The following GAS7 variants were observed in gnomAD, a reference collection of about 807,000 sequenced individuals.
The protein encoded by GAS7 is growth arrest-specific protein 7.
GAS7 carries 28 observed loss-of-function variants against 71.1 expected under a neutral mutation model. That is an observed-to-expected ratio of 0.39 (90% CI 0.29 to 0.54). GAS7 has a LOEUF of 0.54. GAS7 is among the 20% of genes least tolerant of loss of function. The pLI, the probability that GAS7 is intolerant of heterozygous loss-of-function variation, is 0.62. For synonymous variants in GAS7, 258 were observed against 245.8 expected (o/e 1.05, Z -0.46); for missense variants, 436 against 627.8 (o/e 0.69, Z 3.27).
chr17:10,104,105 T>A lies in GAS7; in HGVS notation c.184-84208A>T, dbSNP rs57394516. Among the ~76,000 whole-genome samples the A allele has an allele frequency of 4.4e-3, 669 of 152,212 alleles. 3 individuals carry two copies. The highest frequency in any genetic ancestry group is 0.016 in the African/African-American group (645 of 41,524). On this transcript the variant is annotated intron_variant, in intron 1 of 13. Transcript: ENST00000432992. ...CATTTCCTTCTCCTAACAGAAAAAA[T>A]TTTCACCAAAAATGTTGCCTGTAGT...
At chr17:10,063,248 C>A (rs2073239453) in intron 1 of GAS7, among the ~76,000 whole-genome samples, 1 of 152,230 alleles carries the variant, frequency 6.6e-6, no homozygotes, top group Non-Finnish European at 1.5e-5. Context: ...TAGGCAACGG[C>A]ATGGTGGCAC....
intron 2 of GAS7, among the ~76,000 whole-genome samples, chr17:10,002,249 TG>T (rs945647768): frequency 6.6e-6 from 1 of 152,206 alleles, no homozygotes; most frequent in Non-Finnish European, 1.5e-5. Context: ...TCCTAGCTTG[TG>T]GTGGCCTTGG....
intron 1 of GAS7, among the ~76,000 whole-genome samples, chr17:10,182,262 C>T (rs1418635177): frequency 6.6e-6 from 1 of 152,094 alleles, no homozygotes. Flanking sequence ...TGGGTTCAAG[C>T]GATTCTCCTG....
At chr17:10,171,334 G>A (rs929534549) in intron 1 of GAS7, among the ~76,000 whole-genome samples, 3 of 152,226 alleles carry the variant, frequency 2.0e-5, no homozygotes, top group South Asian at 2.1e-4. Context: ...CTCTGACAGC[G>A]AACCCAGAAC....
chr17:10,081,720 C>T (rs1011654593), intron 1 of GAS7, among the ~76,000 whole-genome samples: 1 of 152,132 alleles, frequency 6.6e-6, no homozygotes, highest in African/African-American at 2.4e-5. Flanking sequence ...CAAGTTAAAT[C>T]CAAGGTGTGG....
chr17:10,036,876 T>C (rs765411952), intron 1 of GAS7: 103 of 270,714 alleles, frequency 3.8e-4, no homozygotes, highest in Non-Finnish European at 5.0e-4. Flanking sequence ...CCCAGGCCTG[T>C]GGACAAGGGC....
In GAS7 at chr17:10,085,817, T is replaced by G. The variant is rs932553980; in HGVS notation, c.184-65920A>C. Among the ~76,000 whole-genome samples, 9 of 152,150 alleles carry G rather than the reference T, an allele frequency of 5.9e-5. No individual in the cohort carries two copies. In the South Asian group the frequency reaches 1.7e-3, roughly 28 times the overall value. ...CAACAGCCTAGTAACATAGGGATTATCCCAATTTACCTATGAAGACACTGA... is the reference window on the plus strand; with the variant it reads ...CAACAGCCTAGTAACATAGGGATTAGCCCAATTTACCTATGAAGACACTGA... On this transcript the variant is annotated intron_variant, in intron 1 of 13. Coordinates refer to ENST00000432992, the MANE Select transcript of GAS7 (RefSeq NM_201433.2).
rs189443321 is a variant in GAS7 at position 9,968,427 on chromosome 17, C to T, written c.471+1250G>A. 3.9e-5 allele frequency among the ~76,000 whole-genome samples: 6 copies of T among 152,318 alleles called. No homozygotes were observed. The East Asian group carries it at 9.6e-4, about 24-fold the overall frequency. ...TTAGAATCTGCATTTTAACAAGAGG[C>T]CCAGCTCACTCTAAGTCCATCAAAA... On this transcript the variant is annotated intron_variant, in intron 4 of 13. Transcript: ENST00000432992.
intron 1 of GAS7, chr17:10,036,758 C>CT: frequency 2.5e-6 from 3 of 1,201,640 alleles, no homozygotes; most frequent in Non-Finnish European, 3.1e-6. Context: ...GGAGGCCTTT[C>CT]TTTTTTTCCC....
chr17:10,043,930 C>A (rs1567565411), intron 1 of GAS7, among the ~76,000 whole-genome samples: 2 of 152,118 alleles, frequency 1.3e-5, no homozygotes, highest in Non-Finnish European at 2.9e-5. Flanking sequence ...GAGACCCTGT[C>A]TCTAAATAAA....
At chr17:9,960,153 C>T (rs546613339) in intron 4 of GAS7, among the ~76,000 whole-genome samples, 5 of 152,154 alleles carry the variant, frequency 3.3e-5, no homozygotes, top group African/African-American at 1.2e-4. Flanking sequence ...CGCAGGTGGC[C>T]ATCACACTTG....
At position 9,945,109 on chromosome 17, in the gene GAS7, G is replaced by A. The variant is rs943146981; in HGVS notation, c.615+1785C>T. Among the ~76,000 whole-genome samples the A allele has an allele frequency of 2.8e-4, 43 of 151,988 alleles. 1 individual carries two copies. Among genetic ancestry groups the A allele is most frequent in the Admixed American group, 1.4e-3 (21 of 15,260 alleles). ...CTTTCCAAGGCTTGAGACCCCACAC[G>A]CTGACCTCCAGCAACTAGGATACCC... On this transcript the variant is annotated intron_variant, in intron 6 of 13. Transcript: ENST00000432992.
intron 1 of GAS7, among the ~76,000 whole-genome samples, chr17:10,118,994 CATTT>C (rs1278056682): frequency 6.6e-6 from 1 of 152,162 alleles, no homozygotes; most frequent in Admixed American, 6.5e-5. Context: ...GCCATTCATT[CATTT>C]GACAAATACT....
intron 1 of GAS7, among the ~76,000 whole-genome samples, chr17:10,096,555 G>A (rs1183871906): frequency 1.3e-5 from 2 of 152,166 alleles, no homozygotes; most frequent in East Asian, 3.9e-4. Flanking sequence ...ATTTTCCTGT[G>A]GGGAGCCACA....
intron 1 of GAS7, among the ~76,000 whole-genome samples, chr17:10,039,498 A>G (rs1373990771): frequency 6.6e-6 from 1 of 152,216 alleles, no homozygotes; most frequent in East Asian, 1.9e-4. Flanking sequence ...CCTGGCCAAC[A>G]TGGCGAAAAC....
In GAS7 at chr17:10,167,672, T is replaced by G. The variant is rs80053923; in HGVS notation, c.183+30536A>C. On this transcript the variant is annotated intron_variant, in intron 1 of 13. Coordinates refer to ENST00000432992, the MANE Select transcript of GAS7 (RefSeq NM_201433.2). The stretch of plus-strand genomic sequence containing the variant: ...GCGAAGGTCTTTTTTTTCTTTTTTT[T>G]TCTGTGTCTTTTTTTAGAGACAGGG... Among the ~76,000 whole-genome samples, 378 of 152,250 alleles carry G rather than the reference T, an allele frequency of 2.5e-3. 2 individuals are homozygous for G. The highest frequency in any genetic ancestry group is 0.02 in the Middle Eastern group (6 of 294).
intron 5 of GAS7, among the ~76,000 whole-genome samples, chr17:9,954,716 A>G (rs899625376): frequency 1.3e-5 from 2 of 152,126 alleles, no homozygotes; most frequent in Non-Finnish European, 2.9e-5. Context: ...GGTAGGGGCC[A>G]GGGAAGGTGA....
chr17:9,925,712 G>T, intron 10 of GAS7, 113 bp from the exon 11 acceptor site: 1 of 1,164,728 alleles, frequency 8.6e-7, no homozygotes, highest in Non-Finnish European at 1.2e-6. Context: ...TTGTGTGGAT[G>T]ATGCCACAGT....
intron 1 of GAS7, among the ~76,000 whole-genome samples, chr17:10,023,006 T>C (rs2072330250): frequency 6.6e-6 from 1 of 152,140 alleles, no homozygotes; most frequent in Non-Finnish European, 1.5e-5. Flanking sequence ...AGAGCAATAA[T>C]GATGCCGTCC....
Sources: gnomAD v4.1 joint callset for allele counts (sites outside exome capture counted in the v4.1 genomes callset) on GRCh38, gnomAD v4.1.1 for gene constraint, MANE v1.5 for transcripts, NCBI Gene and HGNC (gene_info 2026-07-23, HGNC 2026-07-21) for gene names.